LMLN: variants seen among roughly 807,000 people sequenced by gnomAD.
LMLN encodes the protein leishmanolysin like peptidase, also known as leishmanolysin-like peptidase.
A neutral mutation model predicts 92.3 loss-of-function variants in LMLN; 70 were observed. That is an observed-to-expected ratio of 0.76 (90% CI 0.63 to 0.92). LMLN has a LOEUF of 0.92. Ranked by LOEUF, LMLN falls within the 40% of genes least tolerant of loss-of-function variation. The probability of loss-of-function intolerance (pLI) is 0.00; values close to 1 mark genes in which losing one functional copy is unlikely to be tolerated. For synonymous variants in LMLN, 308 were observed against 296.2 expected, an observed-to-expected ratio of 1.04 and a Z score of -0.41; for missense variants, 691 against 814.6, an observed-to-expected ratio of 0.85 and a Z score of 1.85.
At chr3:197,984,490 C>CTGCTCT (rs1553818505) in intron 7 of LMLN, among the ~76,000 whole-genome samples, 1 of 151,982 alleles carries the variant, frequency 6.6e-6, no homozygotes, top group Non-Finnish European at 1.5e-5. Flanking sequence ...GCTGCTGCTG[C>CTGCTCT]TGCTGTTTGT....
intron 15 of LMLN, 76 bp downstream of exon 16, chr3:198,036,119 C>A: frequency 7.6e-7 from 1 of 1,317,282 alleles, no homozygotes. Context: ...GTTGGCATTT[C>A]CCTTCAAGGA....
intron 15 of LMLN, 39 bp downstream of exon 16, chr3:198,036,082 G>A: frequency 6.5e-7 from 1 of 1,547,916 alleles, no homozygotes; most frequent in Non-Finnish European, 8.9e-7. Flanking sequence ...AGGGAAAAGT[G>A]AAGGAGGTGA....
In LMLN at chr3:197,976,730, T is replaced by C; in HGVS notation, c.549+15T>C. The stretch of plus-strand genomic sequence containing the variant: ...AACATCTCCAGGTATTTCACCCTGC[T>C]CTTGGCAGTGCTTTTACACCTGAGG... On this transcript the variant is annotated intron_variant, in intron 5 of 15. Transcript: ENST00000330198. The C allele has an allele frequency of 1.5e-6, 2 of 1,336,378 alleles. No individual in the cohort carries two copies. The highest frequency in any genetic ancestry group is 2.8e-5 in the South Asian group (2 of 71,122). 82.8% of individuals were successfully genotyped at this position (1,336,378 alleles called of 1,614,324 possible).
intron 11 of LMLN, among the ~76,000 whole-genome samples, chr3:198,011,740 A>G (rs1186617884): frequency 1.3e-5 from 2 of 152,014 alleles, no homozygotes; most frequent in Non-Finnish European, 1.5e-5. Context: ...AGTCCCACCA[A>G]CAATGTAAAA....
chr3:197,969,910 G>T (rs908537472), intron 1 of LMLN, among the ~76,000 whole-genome samples: 24 of 152,106 alleles, frequency 1.6e-4, no homozygotes, highest in Admixed American at 1.3e-3. Context: ...TTGGGAGGCC[G>T]AGGCTGGCGG....
intron 11 of LMLN, among the ~76,000 whole-genome samples, chr3:198,013,545 A>G (rs141334002): frequency 0.14 from 8,871 of 61,328 alleles, 560 homozygotes; most frequent in African/African-American, 0.33. Context: ...GTACCCTTCA[A>G]AGCCTCCTAA....
chr3:197,977,572 TAC>T (rs1386392637), intron 5 of LMLN, among the ~76,000 whole-genome samples: 1 of 149,084 alleles, frequency 6.7e-6, no homozygotes, highest in Non-Finnish European at 1.5e-5. Flanking sequence ...TCTGGAAGTA[TAC>T]ACACGTTAAA....
At chr3:197,968,873 A>C (rs963923557) in intron 1 of LMLN, among the ~76,000 whole-genome samples, 1 of 152,252 alleles carries the variant, frequency 6.6e-6, no homozygotes, top group African/African-American at 2.4e-5. Context: ...CTATGAACTC[A>C]TAAACTTTGA....
At position 198,038,894 on chromosome 3, in the gene LMLN, CAA is replaced by C. The variant is rs1228040451; in HGVS notation, c.*228_*229del. 134 of 282,294 alleles carry C rather than the reference CAA, an allele frequency of 4.7e-4. No individual in the cohort carries two copies. The African/African-American group carries it at 0.015, about 32-fold the overall frequency. 17.5% of individuals were successfully genotyped at this position (282,294 alleles called of 1,614,324 possible). On this transcript the variant is annotated 3_prime_UTR_variant, in exon 16 of 16. Coordinates refer to ENST00000330198, the Ensembl canonical transcript of LMLN. ...AACCCAACCACCTTCATCAGCAACC[CAA>C]CCACCTCGTCAGCAACCCAACCACC...
chr3:197,986,197 C>T (rs1721701848), intron 8 of LMLN, among the ~76,000 whole-genome samples: 1 of 152,202 alleles, frequency 6.6e-6, no homozygotes, highest in Non-Finnish European at 1.5e-5. Context: ...CACAATGGCT[C>T]ATGCCTGTAA....
At chr3:197,962,647 T>A (rs1720936531) in intron 1 of LMLN, among the ~76,000 whole-genome samples, 1 of 152,200 alleles carries the variant, frequency 6.6e-6, no homozygotes, top group Non-Finnish European at 1.5e-5. Context: ...TTCTAAGAAA[T>A]CTTTAAATAC....
At chr3:198,014,009 C>T (rs550413704) in intron 11 of LMLN, among the ~76,000 whole-genome samples, 1 of 142,532 alleles carries the variant, frequency 7.0e-6, no homozygotes, top group Non-Finnish European at 1.5e-5. Flanking sequence ...ACTAGTCTGA[C>T]TTCTCTCCAC....
At chr3:198,024,666 A>C in exon 14 of LMLN, 2 of 1,567,806 alleles carry the variant, frequency 1.3e-6, no homozygotes, top group Non-Finnish European at 1.7e-6. Flanking sequence ...AGAAATTTTT[A>C]AGAACTATGG....
chr3:197,964,462 G>A (rs938439080), intron 1 of LMLN, among the ~76,000 whole-genome samples: 13 of 149,826 alleles, frequency 8.7e-5, no homozygotes, highest in African/African-American at 1.2e-4. Flanking sequence ...GTGCAGTGGC[G>A]CAATCTCAGC....
At chr3:198,018,318 C>T (rs987458289) in intron 11 of LMLN, among the ~76,000 whole-genome samples, 4 of 152,150 alleles carry the variant, frequency 2.6e-5, no homozygotes, top group East Asian at 1.9e-4. Flanking sequence ...GAAGATTTTA[C>T]GAAAATGGTA....
rs181087750 is a variant in LMLN at position 198,031,031 on chromosome 3, T to G, written c.1657-4802T>G. The stretch of plus-strand genomic sequence containing the variant: ...CAGCGTGGGAAGGCGGGACCTCACC[T>G]CTGCCCTCAGGGTCCTCAGCTAGGC... On this transcript the variant is annotated intron_variant, in intron 14 of 15. Transcript: ENST00000330198. The surrounding 1 kb of genome is among the most constrained non-coding windows in gnomAD (Gnocchi z 4.8). 5.7e-3 allele frequency among the ~76,000 whole-genome samples: 865 copies of G among 151,808 alleles called. 7 individuals carry two copies. The highest frequency in any genetic ancestry group is 7.9e-3 in the Non-Finnish European group (539 of 67,942).
At chr3:198,017,558 A>G (rs940868584) in intron 11 of LMLN, among the ~76,000 whole-genome samples, 4 of 152,206 alleles carry the variant, frequency 2.6e-5, no homozygotes, top group African/African-American at 4.8e-5. Flanking sequence ...TATACTGTCT[A>G]ATATGGTACC....
intron 6 of LMLN, 130 bp downstream of exon 6, chr3:197,980,634 G>A: frequency 2.3e-6 from 2 of 859,330 alleles, no homozygotes; most frequent in Non-Finnish European, 3.6e-6. Flanking sequence ...GGAATAGCAT[G>A]CTGCCTGGGT....
chr3:197,997,139 T>A (rs1405170583), intron 10 of LMLN, among the ~76,000 whole-genome samples: 1 of 151,748 alleles, frequency 6.6e-6, no homozygotes, highest in Non-Finnish European at 1.5e-5. Context: ...CTTTTAACTT[T>A]CTTTTCTTTC....
Sources: gnomAD v4.1 joint callset for allele counts (sites outside exome capture counted in the v4.1 genomes callset) on GRCh38, gnomAD v4.1.1 for gene constraint, Gnocchi (gnomAD v3.1) non-coding constraint, MANE v1.5 for transcripts, NCBI Gene and HGNC (gene_info 2026-07-23, HGNC 2026-07-21) for gene names.